Variants in SNCAIP observed in about 807,000 individuals in gnomAD.
The protein encoded by SNCAIP is synuclein alpha interacting protein.
SNCAIP carries 43 observed loss-of-function variants against 86.7 expected under a neutral mutation model. The ratio of observed to expected loss-of-function variants is 0.50; its 90% CI spans 0.39 to 0.64. SNCAIP has a LOEUF of 0.64. Among genes scored for constraint, SNCAIP ranks in the 30% least tolerant of loss-of-function variants. The pLI, the probability that SNCAIP is intolerant of heterozygous loss-of-function variation, is 0.00. For synonymous variants in SNCAIP, 417 were observed against 427.2 expected (o/e 0.98, Z 0.29); for missense variants, 981 against 1,103.1 (o/e 0.89, Z 1.57).
At chr5:122,409,055 G>T (rs1773589622) in intron 3 of SNCAIP, among the ~76,000 whole-genome samples, 2 of 151,978 alleles carry the variant, frequency 1.3e-5, no homozygotes, top group Non-Finnish European at 2.9e-5. Flanking sequence ...AACTAGTTTG[G>T]GACAAGGATT....
intron 1 of SNCAIP, among the ~76,000 whole-genome samples, chr5:122,330,416 C>T (rs1387859526): frequency 1.3e-5 from 2 of 152,140 alleles, no homozygotes; most frequent in African/African-American, 2.4e-5. Flanking sequence ...CCACCGCGCC[C>T]GGCCTCATTT....
intron 6 of SNCAIP, 114 bp downstream of exon 6, chr5:122,432,196 G>A (rs1021244104): frequency 2.9e-6 from 2 of 683,780 alleles, no homozygotes; most frequent in East Asian, 2.7e-5. Context: ...TGTATCCAAA[G>A]GTATATAACC....
chr5:122,399,912 A>C (rs1200977274), intron 2 of SNCAIP, among the ~76,000 whole-genome samples: 1 of 152,140 alleles, frequency 6.6e-6, no homozygotes, highest in African/African-American at 2.4e-5. Context: ...GTCTGGGATG[A>C]AGCCCAAGAA....
intron 1 of SNCAIP, among the ~76,000 whole-genome samples, chr5:122,353,365 A>C (rs1324108752): frequency 1.3e-5 from 2 of 151,418 alleles, no homozygotes. Flanking sequence ...TTTGTGAAAA[A>C]TTCATCGTTA....
intron 2 of SNCAIP, among the ~76,000 whole-genome samples, chr5:122,393,998 A>C (rs1770035528): frequency 6.6e-6 from 1 of 152,202 alleles, no homozygotes; most frequent in Non-Finnish European, 1.5e-5. Context: ...GAGATTATTC[A>C]AATGCTAAAA....
At chr5:122,377,495 AGAGAGAG>A (rs1580807056) in intron 1 of SNCAIP, among the ~76,000 whole-genome samples, 1 of 33,980 alleles carries the variant, frequency 2.9e-5, no homozygotes, top group East Asian at 1.1e-3. Flanking sequence ...GGAGACAGAC[AGAGAGAG>A]AGAGAGAGAG....
chr5:122,358,158 T>C (rs1178789684), intron 1 of SNCAIP, among the ~76,000 whole-genome samples: 1 of 122,736 alleles, frequency 8.1e-6, no homozygotes, highest in Non-Finnish European at 1.7e-5. Context: ...AATTTGTTTC[T>C]TTGTGTGTGT....
At chr5:122,357,124 T>C (rs950371777) in intron 1 of SNCAIP, among the ~76,000 whole-genome samples, 1 of 152,214 alleles carries the variant, frequency 6.6e-6, no homozygotes, top group Non-Finnish European at 1.5e-5. Flanking sequence ...ACCTTAATGC[T>C]TTTGCCCTTG....
chr5:122,357,305 G>T (rs189685089), intron 1 of SNCAIP, among the ~76,000 whole-genome samples: 1 of 151,766 alleles, frequency 6.6e-6, no homozygotes, highest in Non-Finnish European at 1.5e-5. Context: ...GCGTGATCTC[G>T]GCTCACTACA....
intron 5 of SNCAIP, among the ~76,000 whole-genome samples, chr5:122,428,143 C>G (rs1056615614): frequency 1.3e-5 from 2 of 152,136 alleles, no homozygotes; most frequent in Non-Finnish European, 2.9e-5. Context: ...AATCTTAATT[C>G]CCTTTTCACT....
intron 3 of SNCAIP, among the ~76,000 whole-genome samples, chr5:122,407,218 G>C (rs183817013): frequency 1.5e-4 from 23 of 152,304 alleles, no homozygotes; most frequent in Non-Finnish European, 3.2e-4. Context: ...GAGCTGGGGA[G>C]GGAGGGAGGT....
chr5:122,452,999 C>G, intron 10 of SNCAIP: 1 of 1,534,266 alleles, frequency 6.5e-7, no homozygotes, highest in Non-Finnish European at 8.8e-7. Context: ...ACACACGGTA[C>G]GTGGTGCTAG....
At chr5:122,335,310 C>T (rs188614594) in intron 1 of SNCAIP, among the ~76,000 whole-genome samples, 1 of 152,254 alleles carries the variant, frequency 6.6e-6, no homozygotes, top group Non-Finnish European at 1.5e-5. Context: ...GTCAAAATAA[C>T]AGTTCAATTC....
At chr5:122,364,624 A>C (rs1762798485) in intron 1 of SNCAIP, among the ~76,000 whole-genome samples, 1 of 152,272 alleles carries the variant, frequency 6.6e-6, no homozygotes, top group Non-Finnish European at 1.5e-5. Context: ...TGTCATGCTA[A>C]TGAAGTCATT....
At chr5:122,448,208 AGT>A (rs1226694298) in intron 8 of SNCAIP, among the ~76,000 whole-genome samples, 2 of 152,180 alleles carry the variant, frequency 1.3e-5, no homozygotes, top group African/African-American at 4.8e-5. Context: ...ATATTTGTTT[AGT>A]TACATGTCCT....
chr5:122,376,105 T>C (rs905619933), intron 1 of SNCAIP, among the ~76,000 whole-genome samples: 9 of 152,064 alleles, frequency 5.9e-5, no homozygotes, highest in African/African-American at 2.2e-4. Flanking sequence ...CAGCAGTCTG[T>C]TTTAATAAGC....
Position 122,463,552 on chromosome 5 carries a change from G to T in SNCAIP, c.*56G>T. The T allele has an allele frequency of 1.3e-6, 2 of 1,599,902 alleles. No individual in the cohort carries two copies. Among genetic ancestry groups the T allele is most frequent in the Non-Finnish European group, 1.7e-6 (2 of 1,169,326 alleles). ...CAGCATAAAGCACATTGCTGAGCCA[G>T]AGTCAAAAGAACTCTTCTTGTAAAT... is the stretch of plus-strand genomic sequence containing the variant. On this transcript the variant is annotated 3_prime_UTR_variant, in exon 11 of 11. Coordinates refer to ENST00000261368, the MANE Select transcript of SNCAIP (RefSeq NM_005460.4).
rs940382199 is a variant in SNCAIP, at chr5:122,425,596, G to A, written c.1182+65G>A. Reference sequence around the variant, plus strand: ...GGATTTCTATTTTTTAAGATTCCTTGTGAGCTAAAGTGTTGGAAGGGAGAG... The same window carrying A: ...GGATTTCTATTTTTTAAGATTCCTTATGAGCTAAAGTGTTGGAAGGGAGAG... On this transcript the variant is annotated intron_variant, in intron 5 of 10. Transcript: ENST00000261368. 6 of 1,331,894 alleles carry A rather than the reference G, an allele frequency of 4.5e-6. No individual in the cohort carries two copies. In the South Asian group the frequency reaches 5.9e-5, roughly 13 times the overall value. The allele number at this position is 1,331,894 out of a possible 1,614,324, so 82.5% of individuals were successfully genotyped here.
chr5:122,440,364 T>C, intron 6 of SNCAIP: 1 of 435,918 alleles, frequency 2.3e-6, no homozygotes, highest in Admixed American at 3.5e-5. Flanking sequence ...TGCAAACCTA[T>C]TTTCCCATCT....
Sources: gnomAD v4.1 joint callset for allele counts (sites outside exome capture counted in the v4.1 genomes callset) on GRCh38, gnomAD v4.1.1 for gene constraint, MANE v1.5 for transcripts, NCBI Gene and HGNC (gene_info 2026-07-23, HGNC 2026-07-21) for gene names.